The following CCDC171 variants were observed in gnomAD, a reference collection of about 807,000 sequenced individuals.
CCDC171 encodes coiled-coil domain containing 171.
In CCDC171, 177 loss-of-function variants were observed where a neutral mutation model predicts 168.2. That is an observed-to-expected ratio of 1.05 (90% CI 0.93 to 1.19). The LOEUF is 1.19. CCDC171 is among the 50% of genes most tolerant of loss of function. The pLI is 0.00. For synonymous variants in CCDC171, 687 were observed against 540.8 expected (o/e 1.27, Z -3.75); for missense variants, 1,991 against 1,539.0 (o/e 1.29, Z -4.91).
intron 25 of CCDC171, among the ~76,000 whole-genome samples, chr9:15,936,926 C>G (rs1472096177): frequency 6.6e-6 from 1 of 151,974 alleles, no homozygotes; most frequent in Admixed American, 6.6e-5. Context: ...TTGCCAGAAG[C>G]AACACATTTT....
intron 3 of CCDC171, among the ~76,000 whole-genome samples, chr9:15,578,381 C>T (rs2040840573): frequency 1.3e-5 from 2 of 149,472 alleles, no homozygotes; most frequent in Non-Finnish European, 3.0e-5. Context: ...ACTACAGGTG[C>T]ACACCACCAT....
chr9:15,805,353 C>A (rs2059024203), intron 21 of CCDC171, among the ~76,000 whole-genome samples: 2 of 151,986 alleles, frequency 1.3e-5, no homozygotes, highest in African/African-American at 4.8e-5. Context: ...GACTCGAGAC[C>A]TTTGTAGCTT....
intron 10 of CCDC171, among the ~76,000 whole-genome samples, chr9:15,683,002 G>A (rs2050139811): frequency 6.6e-6 from 1 of 151,906 alleles, no homozygotes; most frequent in Non-Finnish European, 1.5e-5. Context: ...TTGAAGCAGG[G>A]GAGCTTTCAT....
chr9:16,029,941 G>T (rs1198783768), intron 6 of CCDC171, among the ~76,000 whole-genome samples: 1 of 152,128 alleles, frequency 6.6e-6, no homozygotes, highest in African/African-American at 2.4e-5. Flanking sequence ...CCACAGTTCT[G>T]GAGGCTGGGA....
intron 23 of CCDC171, among the ~76,000 whole-genome samples, chr9:15,861,683 A>G (rs955033834): frequency 6.5e-4 from 35 of 53,478 alleles, no homozygotes; most frequent in South Asian, 4.0e-3. Context: ...AATTTACTAT[A>G]TGGTGTATTC....
chr9:15,627,177 T>G (rs570780824), intron 7 of CCDC171, among the ~76,000 whole-genome samples: 41 of 152,312 alleles, frequency 2.7e-4, no homozygotes, highest in African/African-American at 9.9e-4. Flanking sequence ...CTTTATCATT[T>G]TTTGTTGCGC....
chr9:15,951,500 C>G (rs1216020133), intron 25 of CCDC171, among the ~76,000 whole-genome samples: 2 of 151,594 alleles, frequency 1.3e-5, no homozygotes, highest in African/African-American at 4.8e-5. Context: ...GATCTTCCTG[C>G]CAACACTTGT....
intron 25 of CCDC171, among the ~76,000 whole-genome samples, chr9:15,934,650 ATATATACCC>A (rs1826910163): frequency 1.3e-5 from 2 of 152,032 alleles, no homozygotes; most frequent in Non-Finnish European, 2.9e-5. Flanking sequence ...TTACTCCTGC[ATATATACCC>A]AAAAGAATTG....
At chr9:15,597,739 C>A (rs562564965) in intron 6 of CCDC171, among the ~76,000 whole-genome samples, 112 of 152,232 alleles carry the variant, frequency 7.4e-4, no homozygotes, top group African/African-American at 2.6e-3. Flanking sequence ...CCTCCTTGTA[C>A]CTCTGGTAGA....
At chr9:15,608,564 G>A (rs2043393537) in intron 6 of CCDC171, among the ~76,000 whole-genome samples, 1 of 151,890 alleles carries the variant, frequency 6.6e-6, no homozygotes, top group Admixed American at 6.6e-5. Flanking sequence ...ACCATGTTAC[G>A]TTTATTGGCC....
the CCDC171 span, among the ~76,000 whole-genome samples, chr9:16,088,065 A>C: frequency 6.6e-6 from 1 of 152,228 alleles, no homozygotes; most frequent in African/African-American, 2.4e-5. Flanking sequence ...AGGCTGGTTC[A>C]ACATATGCAA....
At chr9:15,931,830 T>C (rs534877057) in intron 25 of CCDC171, among the ~76,000 whole-genome samples, 1 of 151,872 alleles carries the variant, frequency 6.6e-6, no homozygotes, top group African/African-American at 2.4e-5. Flanking sequence ...AATGCCATTC[T>C]TTTACATGTG....
At chr9:16,088,217 G>A in the CCDC171 span, among the ~76,000 whole-genome samples, 4 of 152,102 alleles carry the variant, frequency 2.6e-5, no homozygotes, top group Admixed American at 6.6e-5. Context: ...TTGATGGAAC[G>A]TATCTCAAAA....
chr9:16,089,474 T>C, the CCDC171 span, among the ~76,000 whole-genome samples: 6 of 151,880 alleles, frequency 4.0e-5, no homozygotes, highest in African/African-American at 1.4e-4. Flanking sequence ...CTGAATAGTA[T>C]TGCCTAGGTT....
intron 11 of CCDC171, among the ~76,000 whole-genome samples, chr9:15,702,032 G>C (rs1457495840): frequency 1.3e-5 from 2 of 152,224 alleles, no homozygotes; most frequent in Admixed American, 1.3e-4. Flanking sequence ...ATGGGCTACA[G>C]AATGGATGTT....
At chr9:16,059,420 T>C (rs1833893878) in intron 1 of CCDC171, among the ~76,000 whole-genome samples, 1 of 150,976 alleles carries the variant, frequency 6.6e-6, no homozygotes, top group South Asian at 2.1e-4. Context: ...ACACTGTGAG[T>C]GATGCAAACG....
chr9:15,904,946 G>A (rs1236186100), intron 24 of CCDC171, among the ~76,000 whole-genome samples: 1 of 151,954 alleles, frequency 6.6e-6, no homozygotes, highest in Admixed American at 6.6e-5. Context: ...TAATGGTAAA[G>A]GGATCAATTC....
At chr9:15,915,592 A>G (rs1485082528) in intron 24 of CCDC171, among the ~76,000 whole-genome samples, 1 of 152,128 alleles carries the variant, frequency 6.6e-6, no homozygotes, top group African/African-American at 2.4e-5. Context: ...TTTGCCAATT[A>G]TGATACCTGT....
At chr9:15,611,616 GT>G (rs1474093719) in intron 6 of CCDC171, among the ~76,000 whole-genome samples, 1 of 152,080 alleles carries the variant, frequency 6.6e-6, no homozygotes, top group Non-Finnish European at 1.5e-5. Flanking sequence ...TTAATAAGGT[GT>G]CTTACCCCAA....
Sources: allele counts gnomAD v4.1 joint callset (sites outside exome capture counted in the v4.1 genomes callset), GRCh38; gene constraint gnomAD v4.1.1; transcripts MANE v1.5; gene names NCBI Gene and HGNC (gene_info 2026-07-23, HGNC 2026-07-21).